Variants in TIMELESS observed in about 807,000 individuals in gnomAD.
TIMELESS encodes the protein timeless circadian regulator, also known as protein timeless homolog.
TIMELESS carries 124 observed loss-of-function variants against 164.3 expected under a neutral mutation model. The ratio of observed to expected loss-of-function variants is 0.75; its 90% CI spans 0.65 to 0.88. TIMELESS has a LOEUF of 0.88. Ranked by LOEUF, TIMELESS falls within the 40% of genes least tolerant of loss-of-function variation. TIMELESS has a pLI of 0.00. For synonymous variants in TIMELESS, 564 were observed against 563.4 expected (o/e 1.00, Z -0.02); for missense variants, 1,422 against 1,491.4 (o/e 0.95, Z 0.77).
intron 1 of TIMELESS, among the ~76,000 whole-genome samples, chr12:56,448,330 G>A (rs1219334457): frequency 1.3e-5 from 2 of 150,426 alleles, no homozygotes; most frequent in Admixed American, 6.6e-5. Context: ...CGCTTGAACT[G>A]GGGAGGCGGA....
intron 1 of TIMELESS, among the ~76,000 whole-genome samples, chr12:56,435,937 C>T (rs942935537): frequency 7.9e-5 from 11 of 139,058 alleles, no homozygotes; most frequent in African/African-American, 1.6e-4. Flanking sequence ...CCAGCCTGGG[C>T]GACAGAGCGA....
Position 56,428,316 on chromosome 12 carries a change from G to A in TIMELESS, c.1498C>T (p.Arg500Cys), listed in dbSNP as rs762709152. The A allele has an allele frequency of 2.7e-5, 43 of 1,613,612 alleles. 1 individual carries two copies. Among genetic ancestry groups the A allele is most frequent in the South Asian group, 1.2e-4 (11 of 91,068 alleles). ...AGGTGGGTGGTCTCCACCAGGTCAC[G>A]AAGGAAAGAGCGGGGCTGGCATCTC... is the stretch of plus-strand genomic sequence containing the variant. ...DERCQPRSFL[R>C]DLVETTHLFL... The change falls in exon 13 of 29, where the codon CGT becomes TGT. Residue 500 changes from arginine (R) to cysteine (C), a missense_variant. Transcript: ENST00000553532.
At chr12:56,435,745 G>A (rs889939289) in intron 1 of TIMELESS, among the ~76,000 whole-genome samples, 2 of 151,848 alleles carry the variant, frequency 1.3e-5, no homozygotes, top group Non-Finnish European at 2.9e-5. Flanking sequence ...GGATCATGAG[G>A]TCAGGAGATT....
intron 1 of TIMELESS, among the ~76,000 whole-genome samples, chr12:56,442,571 C>T (rs1017127665): frequency 3.3e-5 from 5 of 152,168 alleles, no homozygotes; most frequent in African/African-American, 7.2e-5. Flanking sequence ...GCCATTTTCC[C>T]GTGTGGCCTC....
In TIMELESS at chr12:56,434,517, C is replaced by A. The variant is rs981445673; in HGVS notation, c.-61-286G>T. On this transcript the variant is annotated intron_variant, in intron 1 of 28. Transcript: ENST00000553532. Reference sequence around the variant, plus strand: ...CTTTGGGAGGCCAAGGCAGGCAGATCACCTGAGGTTGGGAGTTCGAGACCA... The same window carrying A: ...CTTTGGGAGGCCAAGGCAGGCAGATAACCTGAGGTTGGGAGTTCGAGACCA... Among the ~76,000 whole-genome samples the A allele has an allele frequency of 4.6e-5, 7 of 152,166 alleles. 1 individual carries two copies. The highest frequency in any genetic ancestry group is 2.0e-4 in the Admixed American group (3 of 15,260).
At chr12:56,446,894 T>C (rs1407791044) in intron 1 of TIMELESS, among the ~76,000 whole-genome samples, 1 of 152,118 alleles carries the variant, frequency 6.6e-6, no homozygotes, top group African/African-American at 2.4e-5. Context: ...TAATGTCTAC[T>C]GTGTACCATA....
chr12:56,420,744 T>G, intron 25 of TIMELESS, 57 bp from the exon 26 acceptor site: 1 of 1,613,086 alleles, frequency 6.2e-7, no homozygotes, highest in Non-Finnish European at 8.5e-7. Context: ...TGGTTCTCCA[T>G]CCCATGACCA....
chr12:56,432,337 G>A (rs751242614), intron 7 of TIMELESS, 32 bp downstream of exon 7: 1 of 1,596,212 alleles, frequency 6.3e-7, no homozygotes, highest in Non-Finnish European at 8.6e-7. Flanking sequence ...TACATGGGCG[G>A]AGGGGACTCG....
At chr12:56,429,238 G>C in intron 10 of TIMELESS, 138 bp from the exon 11 acceptor site, 2 of 729,840 alleles carry the variant, frequency 2.7e-6, no homozygotes, top group South Asian at 1.9e-5. Flanking sequence ...TCACTCTATT[G>C]CCCAGGCTGG....
chr12:56,425,336 G>C (rs1427632460), intron 13 of TIMELESS, among the ~76,000 whole-genome samples, 184 bp from the exon 14 acceptor site: 4 of 152,230 alleles, frequency 2.6e-5, no homozygotes, highest in Non-Finnish European at 5.9e-5. Context: ...TTTTACTCTA[G>C]TGGTGGAGAC....
chr12:56,430,213 T>C lies in TIMELESS; in HGVS notation c.978A>G (p.Arg326=). 6.2e-7 allele frequency: 1 copy of C among 1,614,102 alleles called. No individual in the cohort carries two copies. The highest frequency in any genetic ancestry group is 8.5e-7 in the Non-Finnish European group (1 of 1,179,998). The stretch of plus-strand genomic sequence containing the variant: ...CAGAACGGCGCTGAATGGACAGCTC[T>C]CGGGCGGCCTGGCGACGTTTAGGCA... ...KKVPKRRQAA[R]ELSIQRRSAL... The change falls in exon 10 of 29, where the codon CGA becomes CGG. Residue 326 remains arginine, a synonymous_variant. Coordinates refer to ENST00000553532, the MANE Select transcript of TIMELESS (RefSeq NM_003920.5).
chr12:56,435,199 C>T (rs144181039), intron 1 of TIMELESS, among the ~76,000 whole-genome samples: 1 of 152,180 alleles, frequency 6.6e-6, no homozygotes, highest in Non-Finnish European at 1.5e-5. Flanking sequence ...TGAGACACTG[C>T]GAATGTGTAG....
At chr12:56,431,893 T>C (rs1399218764) in intron 7 of TIMELESS, among the ~76,000 whole-genome samples, 24 of 151,768 alleles carry the variant, frequency 1.6e-4, no homozygotes, top group Admixed American at 1.6e-3. Flanking sequence ...AGAATGTATA[T>C]ATGTGCTATA....
Position 56,419,459 on chromosome 12 carries a change from AGTGTGTGT to A in TIMELESS, c.3228+1102_3229-1101del, listed in dbSNP as rs10664617. 6.1e-4 allele frequency among the ~76,000 whole-genome samples: 91 copies of A among 148,048 alleles called. 1 individual carries two copies. Among genetic ancestry groups the A allele is most frequent in the African/African-American group, 1.2e-3 (47 of 40,158 alleles). ...AGAGGTCCATCAGTAAGACAGATGG[AGTGTGTGT>A]GTGTGTGTGTGTGTGTGTGTCACCC... is the stretch of plus-strand genomic sequence containing the variant. On this transcript the variant is annotated intron_variant, in intron 26 of 28. Transcript: ENST00000553532.
At chr12:56,439,815 C>CA (rs1476005034) in intron 1 of TIMELESS, among the ~76,000 whole-genome samples, 2 of 152,028 alleles carry the variant, frequency 1.3e-5, no homozygotes, top group Admixed American at 6.6e-5. Context: ...ATTTTAACAC[C>CA]AAAAAAACTA....
intron 8 of TIMELESS, among the ~76,000 whole-genome samples, chr12:56,431,245 T>G (rs1881867707): frequency 6.7e-6 from 1 of 149,918 alleles, no homozygotes; most frequent in Non-Finnish European, 1.5e-5. Flanking sequence ...TCCCAGCTAC[T>G]GGGGAGGCTG....
chr12:56,430,686 T>TA (rs1881847305), intron 9 of TIMELESS, among the ~76,000 whole-genome samples, 195 bp downstream of exon 9: 1 of 152,156 alleles, frequency 6.6e-6, no homozygotes, highest in Admixed American at 6.5e-5. Context: ...ATTTTTTTTT[T>TA]AGAGACAGGG....
At chr12:56,435,434 T>C (rs1179075803) in intron 1 of TIMELESS, among the ~76,000 whole-genome samples, 2 of 152,096 alleles carry the variant, frequency 1.3e-5, no homozygotes, top group Admixed American at 6.6e-5. Context: ...TCACAGCTCA[T>C]TGTAACCTCA....
chr12:56,433,832 G>C lies in TIMELESS; in HGVS notation c.192C>G (p.Asp64Glu). The C allele has an allele frequency of 6.2e-7, 1 of 1,614,172 alleles. No homozygotes were observed. The highest frequency in any genetic ancestry group is 1.1e-5 in the South Asian group (1 of 91,084). ...QLGAAQILQS[D>E]LLPILTQHHQ... ...GGTGCTGGGTGAGGATGGGCAGAAGGTCGCTCTGTAGGATCTGGGCTGCCC... is the reference window on the plus strand; with the variant it reads ...GGTGCTGGGTGAGGATGGGCAGAAGCTCGCTCTGTAGGATCTGGGCTGCCC... The change falls in exon 3 of 29, where the codon GAC (aspartate) becomes GAG (glutamate). Residue 64 changes from aspartate to glutamate, a missense_variant. Physicochemically the swap from Asp to Glu is conservative, Grantham distance 45. Coordinates refer to ENST00000553532, the MANE Select transcript of TIMELESS (RefSeq NM_003920.5).
Sources: allele counts gnomAD v4.1 joint callset (sites outside exome capture counted in the v4.1 genomes callset), GRCh38; gene constraint gnomAD v4.1.1; transcripts MANE v1.5; gene names NCBI Gene and HGNC (gene_info 2026-07-23, HGNC 2026-07-21).